YEATS4: variants seen among roughly 807,000 people sequenced by gnomAD.
YEATS4 encodes the protein YEATS domain-containing protein 4.
Under a neutral mutation model 30.1 loss-of-function variants are expected in YEATS4, and 17 were observed. That is an observed-to-expected ratio of 0.56 (90% CI 0.39 to 0.85). YEATS4 has a LOEUF of 0.85. Ranked by LOEUF, YEATS4 falls within the 40% of genes least tolerant of loss-of-function variation. YEATS4 has a pLI of 0.00. For missense variants in YEATS4, 142 were observed against 268.3 expected, an observed-to-expected ratio of 0.53 and a Z score of 3.29; for synonymous variants, 85 against 87.5, an observed-to-expected ratio of 0.97 and a Z score of 0.16.
intron 4 of YEATS4, among the ~76,000 whole-genome samples, chr12:69,369,635 T>C (rs1386538959): frequency 6.6e-6 from 1 of 152,230 alleles, no homozygotes; most frequent in Non-Finnish European, 1.5e-5. Context: ...TCTGGTGTCA[T>C]TGTTTATTAT....
At chr12:69,406,373 G>A in the YEATS4 span, among the ~76,000 whole-genome samples, 7 of 152,022 alleles carry the variant, frequency 4.6e-5, no homozygotes, top group African/African-American at 1.7e-4. Flanking sequence ...TGTGGCTCAG[G>A]CTGGAGTACA....
chr12:69,403,138 G>A, the YEATS4 span, among the ~76,000 whole-genome samples: 1 of 152,190 alleles, frequency 6.6e-6, no homozygotes, highest in African/African-American at 2.4e-5. Flanking sequence ...CCCCTGTTCT[G>A]ATGTTTCTCT....
the YEATS4 span, among the ~76,000 whole-genome samples, chr12:69,397,872 T>C: frequency 6.6e-6 from 1 of 152,118 alleles, no homozygotes; most frequent in Non-Finnish European, 1.5e-5. Flanking sequence ...ACCTCCAGAA[T>C]TGTGGGAAAA....
the YEATS4 span, among the ~76,000 whole-genome samples, chr12:69,407,702 CTTTTTTTTTTTTTTTTT>C: frequency 5.4e-4 from 34 of 62,642 alleles, no homozygotes; most frequent in African/African-American, 2.4e-3. Context: ...TACTTTTTGT[CTTTTTTTTTTTTTTTTT>C]TTTTTTTTTT....
the YEATS4 span, among the ~76,000 whole-genome samples, chr12:69,418,625 G>A: frequency 6.6e-6 from 1 of 152,304 alleles, no homozygotes; most frequent in Non-Finnish European, 1.5e-5. Context: ...AGTAATTGAA[G>A]TTGGTTTTTT....
At chr12:69,377,125 A>G (rs1383576938) in intron 6 of YEATS4, among the ~76,000 whole-genome samples, 1 of 152,100 alleles carries the variant, frequency 6.6e-6, no homozygotes, top group Non-Finnish European at 1.5e-5. Flanking sequence ...ATCTTTTCAG[A>G]AAACCAACTT....
the YEATS4 span, among the ~76,000 whole-genome samples, chr12:69,417,688 C>A: frequency 6.6e-6 from 1 of 151,834 alleles, no homozygotes; most frequent in Non-Finnish European, 1.5e-5. Flanking sequence ...TGATCACTAC[C>A]CACGTACTGT....
chr12:69,392,631 G>A (rs1178212703), downstream of YEATS4, among the ~76,000 whole-genome samples: 1 of 152,224 alleles, frequency 6.6e-6, no homozygotes, highest in African/African-American at 2.4e-5. Context: ...TAATTAGGCA[G>A]CTCACTTCTT....
At chr12:69,367,006 A>C (rs1341064128) in intron 4 of YEATS4, among the ~76,000 whole-genome samples, 2 of 152,178 alleles carry the variant, frequency 1.3e-5, no homozygotes, top group African/African-American at 2.4e-5. Flanking sequence ...CACAATGAGA[A>C]TTGGGACCCA....
In YEATS4 at chr12:69,362,907, GGTAGGCACTCGTTTTTTCT is replaced by G; in HGVS notation, c.171+4_171+22del. 6.5e-7 allele frequency: 1 copy of G among 1,544,400 alleles called. No homozygotes were observed. On this transcript the variant is annotated splice_donor_variant and splice_donor_5th_base_variant and intron_variant, in intron 2 of 6. Transcript: ENST00000247843. LOFTEE classifies it high-confidence loss of function. ...TATATGTGAAACCATATAGAAATGA[GGTAGGCACTCGTTTTTTCT>G]GTAACTGTTTTACTTAAAGTTGTCT...
At chr12:69,403,576 C>CAA in the YEATS4 span, among the ~76,000 whole-genome samples, 729 of 86,730 alleles carry the variant, frequency 8.4e-3, 10 homozygotes, top group African/African-American at 0.025. Flanking sequence ...GACTCTGTCT[C>CAA]AAAAAAAAAA....
the YEATS4 span, among the ~76,000 whole-genome samples, chr12:69,425,357 A>C: frequency 2.6e-5 from 4 of 152,302 alleles, no homozygotes; most frequent in African/African-American, 9.6e-5. Flanking sequence ...TTTAAATGGA[A>C]TTTTGAGAAA....
chr12:69,390,254 A>G lies in YEATS4; in HGVS notation c.622A>G (p.Ile208Val). The part of the protein sequence containing the change: ...KERLKASRET[I>V]NCLKNEIRKL... ...GAGATTAAAAGCAAGTCGTGAAACT[A>G]TAAATTGTTTAAAAAATGAAATCAG... Residue 208 changes from isoleucine to valine, a missense_variant, in exon 7 of 7, where the codon ATA (isoleucine) becomes GTA (valine). Physicochemically the swap from Ile to Val is conservative, Grantham distance 29. Transcript: ENST00000247843. 1 of 1,600,662 alleles carries G rather than the reference A, an allele frequency of 6.2e-7. No homozygotes were observed. The highest frequency in any genetic ancestry group is 1.4e-5 in the African/African-American group (1 of 73,950).
chr12:69,382,477 C>T (rs1010737317), intron 6 of YEATS4, among the ~76,000 whole-genome samples: 1 of 151,944 alleles, frequency 6.6e-6, no homozygotes. Context: ...GTGTCCACCA[C>T]TACCACAGGC....
the YEATS4 span, chr12:69,400,768 G>A: frequency 1.3e-5 from 2 of 151,724 alleles, no homozygotes; most frequent in Non-Finnish European, 2.9e-5. Context: ...GACAATTGTT[G>A]GTTCATTATA....
intron 6 of YEATS4, among the ~76,000 whole-genome samples, chr12:69,377,190 CTG>C (rs937899698): frequency 4.1e-4 from 62 of 152,090 alleles, no homozygotes; most frequent in African/African-American, 1.2e-3. Flanking sequence ...TATTTTTACT[CTG>C]ATCTTTTTTC....
intron 6 of YEATS4, among the ~76,000 whole-genome samples, chr12:69,388,457 G>A (rs1272877539): frequency 6.6e-6 from 1 of 152,064 alleles, no homozygotes; most frequent in East Asian, 1.9e-4. Context: ...CCATAGTTGG[G>A]TTTTTTTCCC....
At chr12:69,368,825 C>G (rs940498588) in intron 4 of YEATS4, among the ~76,000 whole-genome samples, 1 of 152,166 alleles carries the variant, frequency 6.6e-6, no homozygotes, top group Non-Finnish European at 1.5e-5. Flanking sequence ...TCTGTGTCTT[C>G]TTCTCTTAGA....
At chr12:69,398,070 A>G in the YEATS4 span, among the ~76,000 whole-genome samples, 19 of 152,328 alleles carry the variant, frequency 1.2e-4, no homozygotes, top group Admixed American at 8.5e-4. Flanking sequence ...AATATAAGAG[A>G]ACTTCCTCAG....
Sources: gnomAD v4.1 joint callset for allele counts (sites outside exome capture counted in the v4.1 genomes callset) on GRCh38, gnomAD v4.1.1 for gene constraint, MANE v1.5 for transcripts, NCBI Gene and HGNC (gene_info 2026-07-23, HGNC 2026-07-21) for gene names.